Variants in PAFAH1B1 observed in about 807,000 individuals in gnomAD.
PAFAH1B1 encodes the protein platelet-activating factor acetylhydrolase IB subunit beta.
In PAFAH1B1, 2 loss-of-function variants were observed where a neutral mutation model predicts 57.5. The observed-to-expected ratio is 0.03, with a 90% CI of 0.01 to 0.11. The LOEUF (loss-of-function observed/expected upper bound fraction) is 0.11, where lower values mean the gene tolerates loss of function less well. Ranked by LOEUF, PAFAH1B1 falls within the 10% of genes least tolerant of loss-of-function variation. PAFAH1B1 has a pLI of 1.00. For synonymous variants in PAFAH1B1, 152 were observed against 169.6 expected (o/e 0.90, Z 0.81); for missense variants, 257 against 512.0 (o/e 0.50, Z 4.81).
At chr17:2,659,470 G>A in intron 2 of PAFAH1B1, 1 of 253,436 alleles carries the variant, frequency 3.9e-6, no homozygotes. Context: ...GTGGTGAGCT[G>A]AGATTGTGCC....
chr17:2,613,056 AAAAAG>A (rs2068285953), intron 1 of PAFAH1B1, among the ~76,000 whole-genome samples: 1 of 151,862 alleles, frequency 6.6e-6, no homozygotes, highest in South Asian at 2.1e-4. Flanking sequence ...AAAAAAAAAA[AAAAAG>A]GTGAAATTCA....
At chr17:2,645,623 A>T (rs186707455) in intron 2 of PAFAH1B1, among the ~76,000 whole-genome samples, 4,921 of 142,892 alleles carry the variant, frequency 0.034, 262 homozygotes, top group African/African-American at 0.11. Context: ...ATATATATAT[A>T]TTTTTTGTTA....
chr17:2,660,634 T>G (rs2069002604), intron 2 of PAFAH1B1, among the ~76,000 whole-genome samples: 2 of 152,240 alleles, frequency 1.3e-5, no homozygotes, highest in African/African-American at 4.8e-5. Flanking sequence ...GTACCACATT[T>G]TCTTTATCCA....
intron 1 of PAFAH1B1, among the ~76,000 whole-genome samples, chr17:2,601,467 C>T (rs758457237): frequency 6.8e-6 from 1 of 146,660 alleles, no homozygotes; most frequent in Non-Finnish European, 1.5e-5. Flanking sequence ...GAGATGGAGT[C>T]TCCCAATCTT....
chr17:2,626,292 G>A (rs2068488646), intron 1 of PAFAH1B1, among the ~76,000 whole-genome samples: 1 of 151,906 alleles, frequency 6.6e-6, no homozygotes, highest in African/African-American at 2.4e-5. Flanking sequence ...GTGGTATTTT[G>A]CGATTATGTG....
In PAFAH1B1 at chr17:2,659,295, T is replaced by G. The variant is rs138396848; in HGVS notation, c.33-6077T>G. On this transcript the variant is annotated intron_variant, in intron 2 of 10. Coordinates refer to ENST00000397195, the MANE Select transcript of PAFAH1B1 (RefSeq NM_000430.4). ...GGCCCACGCCTGTTATCCCAGCACT[T>G]TGGGAGGCCAAGGCGGGCGGATCAC... is the stretch of plus-strand genomic sequence containing the variant. The G allele has an allele frequency of 7.2e-3, 1,176 of 162,234 alleles. 12 individuals carry two copies. The highest frequency in any genetic ancestry group is 0.026 in the African/African-American group (1,090 of 41,434). The allele number at this position is 162,234 out of a possible 1,614,324, so 10.0% of individuals were successfully genotyped here.
chr17:2,652,170 G>T (rs920992693), intron 2 of PAFAH1B1, among the ~76,000 whole-genome samples: 2 of 152,176 alleles, frequency 1.3e-5, no homozygotes, highest in African/African-American at 4.8e-5. Flanking sequence ...CCACACTTTG[G>T]GAGGCCAAGG....
intron 1 of PAFAH1B1, among the ~76,000 whole-genome samples, chr17:2,620,944 T>TA (rs2068413559): frequency 6.6e-6 from 1 of 152,010 alleles, no homozygotes; most frequent in Non-Finnish European, 1.5e-5. Context: ...TTTAATTCTT[T>TA]ACCAGCTTTT....
intron 1 of PAFAH1B1, among the ~76,000 whole-genome samples, chr17:2,630,346 T>A (rs1457614726): frequency 6.6e-6 from 1 of 152,164 alleles, no homozygotes; most frequent in Non-Finnish European, 1.5e-5. Context: ...TGAAAATGAC[T>A]GTAGCTTTCC....
chr17:2,597,403 CTT>C (rs1187594089), intron 1 of PAFAH1B1, among the ~76,000 whole-genome samples: 730 of 64,332 alleles, frequency 0.011, 6 homozygotes, highest in African/African-American at 0.045. Flanking sequence ...ACATCCGTGT[CTT>C]TTTTTTTTTT....
chr17:2,608,888 T>C (rs1383633933), intron 1 of PAFAH1B1, among the ~76,000 whole-genome samples: 1 of 152,256 alleles, frequency 6.6e-6, no homozygotes, highest in African/African-American at 2.4e-5. Flanking sequence ...TATTATTGCA[T>C]CAATTTTAGA....
chr17:2,668,971 A>G (rs2069144570), intron 5 of PAFAH1B1, among the ~76,000 whole-genome samples: 1 of 152,076 alleles, frequency 6.6e-6, no homozygotes, highest in Admixed American at 6.6e-5. Flanking sequence ...AGTGAGACAC[A>G]CATACATATA....
chr17:2,676,706 G>T, intron 9 of PAFAH1B1, 100 bp downstream of exon 9: 1 of 795,256 alleles, frequency 1.3e-6, no homozygotes. Flanking sequence ...ATTATTCTGG[G>T]CTTTAAAATA....
chr17:2,649,301 A>G (rs1312177609), intron 2 of PAFAH1B1, among the ~76,000 whole-genome samples: 6 of 151,858 alleles, frequency 4.0e-5, no homozygotes, highest in Non-Finnish European at 8.8e-5. Flanking sequence ...GGCCAGGTGC[A>G]GTGGCTCACA....
At chr17:2,629,487 T>G (rs1254655040) in intron 1 of PAFAH1B1, among the ~76,000 whole-genome samples, 2 of 152,194 alleles carry the variant, frequency 1.3e-5, no homozygotes, top group Admixed American at 6.5e-5. Flanking sequence ...TTTCTTAAAT[T>G]TATTGATGCT....
chr17:2,639,740 G>A (rs2068672715), intron 2 of PAFAH1B1: 1 of 152,054 alleles, frequency 6.6e-6, no homozygotes, highest in Non-Finnish European at 1.5e-5. Flanking sequence ...GGGATTACAG[G>A]CGCCTGCCAC....
rs1201268488 is a variant in PAFAH1B1, at chr17:2,593,902, C to T, written c.-295C>T. The T allele has an allele frequency of 3.0e-5, 6 of 197,896 alleles. No individual in the cohort carries two copies. The highest frequency in any genetic ancestry group is 9.5e-5 in the East Asian group (1 of 10,514). 12.3% of individuals were successfully genotyped at this position (197,896 alleles called of 1,614,324 possible). A position where few individuals can be genotyped will look rare whatever the true frequency, so the allele number is the denominator to read the frequency against. ...CAGCGCGCCATCCTCCCCCCTCCTTCCCTCCCTCCCTCCTTCCTCCCTCCC... is the reference window on the plus strand; with the variant it reads ...CAGCGCGCCATCCTCCCCCCTCCTTTCCTCCCTCCCTCCTTCCTCCCTCCC... On this transcript the variant is annotated 5_prime_UTR_variant, in exon 1 of 11. Coordinates refer to ENST00000397195, the MANE Select transcript of PAFAH1B1 (RefSeq NM_000430.4).
chr17:2,648,542 G>A (rs2068803579), intron 2 of PAFAH1B1, among the ~76,000 whole-genome samples: 1 of 152,026 alleles, frequency 6.6e-6, no homozygotes, highest in African/African-American at 2.4e-5. Flanking sequence ...GCCGGGTGTG[G>A]TGGCACACAC....
intron 1 of PAFAH1B1, among the ~76,000 whole-genome samples, chr17:2,633,915 A>G (rs2068587598): frequency 6.7e-6 from 1 of 148,880 alleles, no homozygotes; most frequent in Non-Finnish European, 1.5e-5. Context: ...TAATCTTACC[A>G]TCTGCTGTGG....
Sources: allele counts gnomAD v4.1 joint callset (sites outside exome capture counted in the v4.1 genomes callset), GRCh38; gene constraint gnomAD v4.1.1; transcripts MANE v1.5; gene names NCBI Gene and HGNC (gene_info 2026-07-23, HGNC 2026-07-21).